NELL2: variants seen among roughly 807,000 people sequenced by gnomAD.
The protein encoded by NELL2 is protein kinase C-binding protein NELL2.
Under a neutral mutation model 109.6 loss-of-function variants are expected in NELL2, and 41 were observed. The ratio of observed to expected loss-of-function variants is 0.37; its 90% CI spans 0.29 to 0.49. The LOEUF is 0.49. Ranked by LOEUF, NELL2 falls within the 20% of genes least tolerant of loss-of-function variation. The probability of loss-of-function intolerance (pLI) is 0.98; values close to 1 mark genes in which losing one functional copy is unlikely to be tolerated. For synonymous variants in NELL2, 355 were observed against 344.7 expected, an observed-to-expected ratio of 1.03 and a Z score of -0.33; for missense variants, 900 against 1,008.3, an observed-to-expected ratio of 0.89 and a Z score of 1.45.
chr12:44,739,088 C>A (rs932659268), intron 9 of NELL2, among the ~76,000 whole-genome samples: 1 of 152,174 alleles, frequency 6.6e-6, no homozygotes, highest in African/African-American at 2.4e-5. Context: ...TCCTTCTGAT[C>A]TTAAATGTTA....
intron 1 of NELL2, among the ~76,000 whole-genome samples, chr12:44,903,689 T>C (rs1195856635): frequency 6.6e-6 from 1 of 152,044 alleles, no homozygotes; most frequent in Non-Finnish European, 1.5e-5. Context: ...ACATATGCAC[T>C]GTAGAATACT....
chr12:44,846,315 CCAGA>C (rs1234827726), intron 2 of NELL2, among the ~76,000 whole-genome samples: 2 of 152,162 alleles, frequency 1.3e-5, no homozygotes, highest in African/African-American at 4.8e-5. Flanking sequence ...TCCAGCATTG[CCAGA>C]CAGTCTATGG....
intron 3 of NELL2, among the ~76,000 whole-genome samples, chr12:44,799,393 G>A (rs1310253644): frequency 4.6e-5 from 7 of 152,074 alleles, no homozygotes; most frequent in East Asian, 3.9e-4. Context: ...GCTGCAAACC[G>A]GTTCTGCCTC....
chr12:44,916,507 A>G (rs1945829861), upstream of NELL2, among the ~76,000 whole-genome samples: 1 of 152,206 alleles, frequency 6.6e-6, no homozygotes, highest in Non-Finnish European at 1.5e-5. Flanking sequence ...GTGGAAATTA[A>G]TATTAAATAG....
chr12:44,590,016 T>C (rs1944685853), intron 15 of NELL2, among the ~76,000 whole-genome samples: 1 of 152,202 alleles, frequency 6.6e-6, no homozygotes, highest in South Asian at 2.1e-4. Flanking sequence ...ACCCAACTCC[T>C]AACTTACAGT....
chr12:44,551,985 C>T (rs1174455383), intron 15 of NELL2, among the ~76,000 whole-genome samples: 1 of 152,146 alleles, frequency 6.6e-6, no homozygotes, highest in East Asian at 1.9e-4. Flanking sequence ...TGCATGTAGG[C>T]ATTCCTAGGT....
intron 13 of NELL2, among the ~76,000 whole-genome samples, chr12:44,644,580 G>GTATATATATATATATATATGTATGTATA (rs1946989099): frequency 2.4e-5 from 2 of 84,390 alleles, no homozygotes; most frequent in African/African-American, 8.7e-5. Flanking sequence ...ACAAAGTAAA[G>GTATATATATATATATATATGTATGTATA]TATATATATA....
intron 12 of NELL2, among the ~76,000 whole-genome samples, chr12:44,666,614 T>C (rs997258079): frequency 2.0e-4 from 30 of 152,156 alleles, no homozygotes; most frequent in Admixed American, 1.2e-3. Context: ...AAAGAAATAA[T>C]TGACATAATC....
intron 12 of NELL2, among the ~76,000 whole-genome samples, chr12:44,668,957 A>C (rs1592301215): frequency 6.6e-6 from 1 of 152,034 alleles, no homozygotes; most frequent in African/African-American, 2.4e-5. Flanking sequence ...CATATCTGCC[A>C]CTGCTGGTGC....
At chr12:44,592,074 A>G (rs1944773025) in intron 15 of NELL2, among the ~76,000 whole-genome samples, 1 of 152,196 alleles carries the variant, frequency 6.6e-6, no homozygotes, top group African/African-American at 2.4e-5. Context: ...GGGAAGGGGT[A>G]AAAGCACACA....
chr12:44,779,046 G>A (rs1432606288), intron 5 of NELL2, among the ~76,000 whole-genome samples: 1 of 152,094 alleles, frequency 6.6e-6, no homozygotes, highest in East Asian at 1.9e-4. Context: ...ATTGCACTAT[G>A]GGCTTGTAGT....
intron 1 of NELL2, among the ~76,000 whole-genome samples, chr12:44,898,761 C>T (rs1945624428): frequency 6.6e-6 from 1 of 152,126 alleles, no homozygotes; most frequent in Non-Finnish European, 1.5e-5. Context: ...ATGAATTTGA[C>T]AAATTGACAG....
chr12:44,599,190 G>C (rs1945098417), intron 15 of NELL2, among the ~76,000 whole-genome samples: 1 of 152,078 alleles, frequency 6.6e-6, no homozygotes, highest in Admixed American at 6.6e-5. Flanking sequence ...AATAAGGTCA[G>C]ACACCAAAAG....
intron 9 of NELL2, among the ~76,000 whole-genome samples, chr12:44,728,522 G>C (rs1939201779): frequency 6.6e-6 from 1 of 152,058 alleles, no homozygotes; most frequent in African/African-American, 2.4e-5. Context: ...TATGCATTTG[G>C]GGGTCCAGAA....
intron 1 of NELL2, among the ~76,000 whole-genome samples, chr12:44,894,284 A>G (rs190554725): frequency 4.9e-4 from 75 of 152,328 alleles, no homozygotes; most frequent in Non-Finnish European, 7.2e-4. Flanking sequence ...CTTGATGACA[A>G]TGTTACTCTC....
intron 13 of NELL2, among the ~76,000 whole-genome samples, chr12:44,627,702 A>G (rs991504517): frequency 2.6e-5 from 4 of 152,196 alleles, no homozygotes; most frequent in Non-Finnish European, 5.9e-5. Context: ...CCTTTCTTAA[A>G]AAAAAACAAG....
chr12:44,750,990 C>A (rs1214911890), intron 9 of NELL2, among the ~76,000 whole-genome samples: 3 of 152,070 alleles, frequency 2.0e-5, no homozygotes, highest in Non-Finnish European at 2.9e-5. Flanking sequence ...CAGGATTTAG[C>A]AACAGCCTTT....
intron 9 of NELL2, among the ~76,000 whole-genome samples, chr12:44,721,540 T>C (rs771739124): frequency 6.6e-6 from 1 of 152,238 alleles, no homozygotes; most frequent in Admixed American, 6.5e-5. Flanking sequence ...ACAGTCCTTA[T>C]GTGCATCTTT....
intron 2 of NELL2, among the ~76,000 whole-genome samples, chr12:44,864,939 C>T (rs548480783): frequency 3.4e-5 from 5 of 148,590 alleles, no homozygotes; most frequent in Middle Eastern, 3.4e-3. Context: ...CCTGAGGAAT[C>T]GCCACACTGA....
Sources: allele counts gnomAD v4.1 joint callset (sites outside exome capture counted in the v4.1 genomes callset), GRCh38; gene constraint gnomAD v4.1.1; transcripts MANE v1.5; gene names NCBI Gene and HGNC (gene_info 2026-07-23, HGNC 2026-07-21).